The following SLC66A3 variants were observed in gnomAD, a reference collection of about 807,000 sequenced individuals.
SLC66A3 encodes the protein PQ loop repeat containing 3.
In SLC66A3, 23 loss-of-function variants were observed where a neutral mutation model predicts 25.5. The ratio of observed to expected loss-of-function variants is 0.90; its 90% CI spans 0.65 to 1.28. SLC66A3 has a LOEUF of 1.28. Ranked by LOEUF, SLC66A3 falls within the 50% of genes most tolerant of loss-of-function variation. The probability of loss-of-function intolerance (pLI) is 0.00; values close to 1 mark genes in which losing one functional copy is unlikely to be tolerated. For synonymous variants in SLC66A3, 108 were observed against 112.6 expected, an observed-to-expected ratio of 0.96 and a Z score of 0.26; for missense variants, 246 against 262.1, an observed-to-expected ratio of 0.94 and a Z score of 0.42.
chr2:11,155,594 G>A lies in SLC66A3; in HGVS notation c.48G>A (p.Val16=). The change falls in exon 1 of 7, where the codon GTG becomes GTA. Residue 16 remains valine, a synonymous_variant. Coordinates refer to ENST00000295083, the MANE Select transcript of SLC66A3 (RefSeq NM_152391.5). ...TGTGTAACTGGAGCACGCTGGGCGT[G>A]TGCGCCGCGCTGAAGCTGCCGCAGA... ...LGLCNWSTLG[V]CAALKLPQIS... 2 of 1,518,484 alleles carry A rather than the reference G, an allele frequency of 1.3e-6. No homozygotes were observed. Among genetic ancestry groups the A allele is most frequent in the South Asian group, 1.2e-5 (1 of 82,164 alleles). The allele number at this position is 1,518,484 out of a possible 1,614,324, so 94.1% of individuals were successfully genotyped here. A position where few individuals can be genotyped will look rare whatever the true frequency, so the allele number is the denominator to read the frequency against.
At position 11,178,605 on chromosome 2, in the gene SLC66A3, T is replaced by C. The variant is rs1375410137; in HGVS notation, c.*777T>C. 6.6e-6 allele frequency: 1 copy of C among 152,648 alleles called. No homozygotes were observed. Among genetic ancestry groups the C allele is most frequent in the African/African-American group, 2.4e-5 (1 of 41,462 alleles). 9.5% of individuals were successfully genotyped at this position (152,648 alleles called of 1,614,324 possible). On this transcript the variant is annotated 3_prime_UTR_variant, in exon 7 of 7. Coordinates refer to ENST00000295083, the MANE Select transcript of SLC66A3 (RefSeq NM_152391.5). ...TTTGGTACAAAATATGTTTTGTCTA[T>C]TGAAAACATACACGGTAAATGGTGT...
intron 6 of SLC66A3, among the ~76,000 whole-genome samples, chr2:11,176,568 G>T (rs1373379539): frequency 4.3e-5 from 4 of 93,364 alleles, no homozygotes; most frequent in Non-Finnish European, 6.1e-5. Flanking sequence ...TCGCTCTGTC[G>T]CCCAGGCTGG....
intron 1 of SLC66A3, among the ~76,000 whole-genome samples, chr2:11,158,706 A>G (rs1039101980): frequency 5.9e-5 from 9 of 151,978 alleles, no homozygotes; most frequent in Non-Finnish European, 1.3e-4. Flanking sequence ...ATGTAGTCTC[A>G]GCTACTCGGG....
chr2:11,168,037 C>T (rs867136316), intron 4 of SLC66A3, among the ~76,000 whole-genome samples: 16 of 152,186 alleles, frequency 1.1e-4, no homozygotes, highest in African/African-American at 2.7e-4. Context: ...TCCCAGCACT[C>T]TGGGAGGCCG....
intron 4 of SLC66A3, among the ~76,000 whole-genome samples, chr2:11,167,743 G>C (rs1033132833): frequency 1.3e-5 from 2 of 152,084 alleles, no homozygotes; most frequent in Admixed American, 6.5e-5. Context: ...TGGAGCCCCA[G>C]TGCAGGAGAA....
In SLC66A3 at chr2:11,171,974, G is replaced by A. The variant is rs200445715; in HGVS notation, c.404G>A (p.Cys135Tyr). 90 of 1,613,992 alleles carry A rather than the reference G, an allele frequency of 5.6e-5. No individual in the cohort carries two copies. The Admixed American group carries it at 1.5e-3, about 27-fold the overall frequency. ...GCCAGTAAGTTTGCACAGCTCCAGT[G>A]TCTGTGGAAGACGAGAGACTCAGGA... ...SAASKFAQLQCLWKTRDSGTV... is the reference protein window; with the variant it reads ...SAASKFAQLQYLWKTRDSGTV... The change falls in exon 5 of 7, where the codon TGT (cysteine) becomes TAT (tyrosine). Residue 135 changes from cysteine (C) to tyrosine (Y), a missense_variant. Around this residue, in one of 3 missense-constraint regions of SLC66A3, gnomAD observed 93 missense variants for 102.6 expected, o/e 0.91. Coordinates refer to ENST00000295083, the MANE Select transcript of SLC66A3 (RefSeq NM_152391.5).
intron 4 of SLC66A3, among the ~76,000 whole-genome samples, chr2:11,170,858 G>A (rs1662526233): frequency 6.6e-6 from 1 of 151,718 alleles, no homozygotes; most frequent in Non-Finnish European, 1.5e-5. Flanking sequence ...CAAAGTGCTG[G>A]GATTACAGGC....
Position 11,177,953 on chromosome 2 carries a change from T to G in SLC66A3, c.*125T>G. 1.6e-6 allele frequency: 1 copy of G among 635,786 alleles called. No homozygotes were observed. Among genetic ancestry groups the G allele is most frequent in the Non-Finnish European group, 2.7e-6 (1 of 376,988 alleles). The allele number at this position is 635,786 out of a possible 1,614,324, so 39.4% of individuals were successfully genotyped here. A position where few individuals can be genotyped will look rare whatever the true frequency, so the allele number is the denominator to read the frequency against. ...AGTTTATAATCTTTAAAGCCAAAGG[T>G]TTTTTTAGACTTGAAAGAAAGAGCC... On this transcript the variant is annotated 3_prime_UTR_variant, in exon 7 of 7. Coordinates refer to ENST00000295083, the MANE Select transcript of SLC66A3 (RefSeq NM_152391.5).
intron 6 of SLC66A3, among the ~76,000 whole-genome samples, chr2:11,176,733 T>A (rs1662764869): frequency 6.9e-6 from 1 of 145,076 alleles, no homozygotes; most frequent in East Asian, 2.1e-4. Context: ...TTTCACCGTT[T>A]TAGCCGGGAT....
chr2:11,177,383 C>T (rs993154655), intron 6 of SLC66A3, among the ~76,000 whole-genome samples: 4 of 151,886 alleles, frequency 2.6e-5, no homozygotes, highest in Non-Finnish European at 5.9e-5. Context: ...TCACTTGAAC[C>T]CAGAAGGTGG....
chr2:11,167,010 C>G (rs1178652296), intron 4 of SLC66A3, among the ~76,000 whole-genome samples: 1 of 152,184 alleles, frequency 6.6e-6, no homozygotes, highest in East Asian at 1.9e-4. Context: ...CTCTCACAAC[C>G]CTGTAAATGA....
At chr2:11,161,275 T>TG (rs35584703) in intron 3 of SLC66A3, among the ~76,000 whole-genome samples, 108,125 of 148,378 alleles carry the variant, frequency 0.73, 40,054 homozygotes, top group East Asian at 0.99. Context: ...TTTTTTTTTT[T>TG]GTTTCATTTT....
chr2:11,155,764 G>A, intron 1 of SLC66A3, 75 bp downstream of exon 1: 2 of 1,270,798 alleles, frequency 1.6e-6, no homozygotes, highest in Non-Finnish European at 2.0e-6. Flanking sequence ...GGAGAGCCTC[G>A]GCTCGAAGTA....
At position 11,155,527 on chromosome 2, in the gene SLC66A3, G is replaced by C; in HGVS notation, c.-20G>C. On this transcript the variant is annotated 5_prime_UTR_variant, in exon 1 of 7. Coordinates refer to ENST00000295083, the MANE Select transcript of SLC66A3 (RefSeq NM_152391.5). The stretch of plus-strand genomic sequence containing the variant: ...GTCCCTTCTCGCTGCGGCCGCCCAG[G>C]TGCCCGCGCCCGTGGCGCTATGGAG... The C allele has an allele frequency of 6.7e-7, 1 of 1,485,182 alleles. No homozygotes were observed. Among genetic ancestry groups the C allele is most frequent in the Non-Finnish European group, 8.9e-7 (1 of 1,126,144 alleles). The allele number at this position is 1,485,182 out of a possible 1,614,324, so 92.0% of individuals were successfully genotyped here. A position where few individuals can be genotyped will look rare whatever the true frequency, so the allele number is the denominator to read the frequency against.
intron 1 of SLC66A3, among the ~76,000 whole-genome samples, chr2:11,159,068 C>A (rs1662019180): frequency 6.6e-6 from 1 of 152,216 alleles, no homozygotes; most frequent in African/African-American, 2.4e-5. Flanking sequence ...ATGGATGACC[C>A]CTGAAGGTGA....
intron 5 of SLC66A3, among the ~76,000 whole-genome samples, chr2:11,174,375 A>G (rs2148003178): frequency 6.6e-6 from 1 of 152,298 alleles, no homozygotes; most frequent in South Asian, 2.1e-4. Flanking sequence ...GAGACAGTGG[A>G]AGGGAGCTCA....
intron 1 of SLC66A3, among the ~76,000 whole-genome samples, chr2:11,160,057 G>A (rs1662058644): frequency 6.6e-6 from 1 of 152,226 alleles, no homozygotes; most frequent in Admixed American, 6.5e-5. Flanking sequence ...GCTTCTCAGA[G>A]TGGAGGGCAG....
At chr2:11,173,677 CAG>C (rs1311070262) in intron 5 of SLC66A3, among the ~76,000 whole-genome samples, 7 of 152,254 alleles carry the variant, frequency 4.6e-5, no homozygotes, top group African/African-American at 1.7e-4. Context: ...AATGTGTTAG[CAG>C]AGAGTTTTGA....
At chr2:11,165,109 C>T (rs879800746) in intron 4 of SLC66A3, among the ~76,000 whole-genome samples, 113 of 151,268 alleles carry the variant, frequency 7.5e-4, no homozygotes, top group Admixed American at 2.2e-3. Flanking sequence ...AAGGGGCGGC[C>T]GGGCAGAGGC....
Sources: allele counts gnomAD v4.1 joint callset (sites outside exome capture counted in the v4.1 genomes callset), GRCh38; gene constraint gnomAD v4.1.1; regional missense constraint gnomAD v4.1.1; transcripts MANE v1.5; gene names NCBI Gene and HGNC (gene_info 2026-07-23, HGNC 2026-07-21).